Variants in MALRD1 observed in about 807,000 individuals in gnomAD.
MALRD1 encodes the protein MAM and LDL receptor class A domain containing 1.
In MALRD1, 247 loss-of-function variants were observed where a neutral mutation model predicts 242.1. The ratio of observed to expected loss-of-function variants is 1.02; its 90% CI spans 0.92 to 1.13. MALRD1 has a LOEUF of 1.13. Among genes scored for constraint, MALRD1 ranks in the 50% most tolerant of loss-of-function variants. MALRD1 has a pLI of 0.00. For synonymous variants in MALRD1, 995 were observed against 866.6 expected (o/e 1.15, Z -2.60); for missense variants, 2,989 against 2,533.1 (o/e 1.18, Z -3.86).
chr10:19,473,919 A>G (rs1836612232), intron 29 of MALRD1, among the ~76,000 whole-genome samples: 1 of 152,126 alleles, frequency 6.6e-6, no homozygotes, highest in Admixed American at 6.5e-5. Context: ...TAGCAGCTCT[A>G]TCATTTTACA....
At chr10:19,080,462 C>A (rs12220630) in intron 2 of MALRD1, among the ~76,000 whole-genome samples, 33,164 of 151,622 alleles carry the variant, frequency 0.22, 3,620 homozygotes, top group South Asian at 0.29. Context: ...GAATTAAGAC[C>A]CCACATCTAC....
At chr10:19,522,646 C>A (rs1018095611) in intron 31 of MALRD1, among the ~76,000 whole-genome samples, 3 of 152,094 alleles carry the variant, frequency 2.0e-5, no homozygotes, top group Non-Finnish European at 4.4e-5. Context: ...CATTTATGAT[C>A]TACATCAATA....
At chr10:19,138,108 T>C (rs1243554131) in intron 10 of MALRD1, among the ~76,000 whole-genome samples, 2 of 152,076 alleles carry the variant, frequency 1.3e-5, no homozygotes, top group African/African-American at 2.4e-5. Flanking sequence ...GATGAGAAAG[T>C]AAGGCTAAAA....
intron 32 of MALRD1, among the ~76,000 whole-genome samples, chr10:19,566,053 C>T (rs55748518): frequency 1.3e-5 from 2 of 152,032 alleles, no homozygotes; most frequent in Admixed American, 1.3e-4. Flanking sequence ...GCTAGTATTT[C>T]TGCAATGACA....
At chr10:19,390,494 CAT>C (rs1400773935) in intron 28 of MALRD1, among the ~76,000 whole-genome samples, 2 of 152,152 alleles carry the variant, frequency 1.3e-5, no homozygotes, top group African/African-American at 4.8e-5. Flanking sequence ...AACAAAATAA[CAT>C]AGTAAATATT....
At chr10:19,203,029 G>T (rs868248920) in intron 14 of MALRD1, among the ~76,000 whole-genome samples, 1 of 151,938 alleles carries the variant, frequency 6.6e-6, no homozygotes, top group Non-Finnish European at 1.5e-5. Flanking sequence ...TCCACACAGG[G>T]TCTATTACAT....
At chr10:19,411,024 C>A (rs528520009) in intron 28 of MALRD1, among the ~76,000 whole-genome samples, 2 of 152,064 alleles carry the variant, frequency 1.3e-5, no homozygotes, top group Admixed American at 6.5e-5. Context: ...AATATTTTCA[C>A]CAAATGCAGG....
In MALRD1 at chr10:19,669,172, A is replaced by G. The variant is rs188291760; in HGVS notation, c.6138-23110A>G. Among the ~76,000 whole-genome samples the G allele has an allele frequency of 6.8e-4, 104 of 152,352 alleles. 2 individuals carry two copies. In the East Asian group the frequency reaches 0.015, roughly 21 times the overall value. Reference sequence around the variant, plus strand: ...GATAGAGTTATCTAGAAGCTGGAAGATAATGGAGAAGCTCTCTAGAAGCTA... The same window carrying G: ...GATAGAGTTATCTAGAAGCTGGAAGGTAATGGAGAAGCTCTCTAGAAGCTA... On this transcript the variant is annotated intron_variant, in intron 36 of 39. Coordinates refer to ENST00000454679, the MANE Select transcript of MALRD1 (RefSeq NM_001142308.3).
intron 4 of MALRD1, among the ~76,000 whole-genome samples, chr10:19,099,378 C>A (rs534367915): frequency 6.6e-6 from 1 of 152,260 alleles, no homozygotes; most frequent in African/African-American, 2.4e-5. Context: ...CGGTCATCAC[C>A]ATTTCCTCTG....
intron 9 of MALRD1, 93 bp from the exon 10 acceptor site, chr10:19,136,481 C>A: frequency 1.4e-6 from 1 of 714,014 alleles, no homozygotes; most frequent in Non-Finnish European, 1.9e-6. Flanking sequence ...AACACTTTTT[C>A]TCAATAACTA....
At chr10:19,417,726 A>T (rs1209557472) in intron 28 of MALRD1, among the ~76,000 whole-genome samples, 1 of 152,116 alleles carries the variant, frequency 6.6e-6, no homozygotes, top group Non-Finnish European at 1.5e-5. Flanking sequence ...TTAGACTGAG[A>T]TCATTCATTT....
rs891916646 is a variant in MALRD1, at chr10:19,124,674, GA to G, written c.943+13del. On this transcript the variant is annotated splice_donor_5th_base_variant and intron_variant, in intron 7 of 39. Coordinates refer to ENST00000454679, the MANE Select transcript of MALRD1 (RefSeq NM_001142308.3). ...GATCAAGGAGGTGATGATGAAGGTAGAAAAAAAAATAATATCTTTTATGTAT... is the reference window on the plus strand; with the variant it reads ...GATCAAGGAGGTGATGATGAAGGTAGAAAAAAAATAATATCTTTTATGTAT... 125 of 1,224,774 alleles carry G rather than the reference GA, an allele frequency of 1.0e-4. 1 individual carries two copies. In the East Asian group the frequency reaches 1.3e-3, roughly 13 times the overall value. The allele number at this position is 1,224,774 out of a possible 1,614,324, so 75.9% of individuals were successfully genotyped here. A position where few individuals can be genotyped will look rare whatever the true frequency, so the allele number is the denominator to read the frequency against.
Position 19,607,894 on chromosome 10 carries a change from G to C in MALRD1, c.6062G>C (p.Ser2021Thr). Reference sequence around the variant, plus strand: ...ATGGATTTCCAGCTTGATGAGTCCAGCTGCTCCGGTACCCCATTTCCATTC... The same window carrying C: ...ATGGATTTCCAGCTTGATGAGTCCACCTGCTCCGGTACCCCATTTCCATTC... The part of the protein sequence containing the change: ...DCMDFQLDES[S>T]CSECPLNYCR... The change falls in exon 35 of 40, where the codon AGC (serine) becomes ACC (threonine). Residue 2021 changes from serine to threonine, a missense_variant. Physicochemically the swap from Ser to Thr is moderately conservative, Grantham distance 58. Coordinates refer to ENST00000454679, the MANE Select transcript of MALRD1 (RefSeq NM_001142308.3). 1.3e-6 allele frequency: 2 copies of C among 1,549,670 alleles called. No homozygotes were observed. Among genetic ancestry groups the C allele is most frequent in the East Asian group, 2.4e-5 (1 of 40,868 alleles).
chr10:19,262,305 T>C (rs1168194152), intron 19 of MALRD1, among the ~76,000 whole-genome samples: 1 of 151,856 alleles, frequency 6.6e-6, no homozygotes, highest in Non-Finnish European at 1.5e-5. Flanking sequence ...ATCAAACTAT[T>C]AGTAATTGAC....
rs1183185746 is a variant in MALRD1, at chr10:19,615,894, T to A, written c.6108T>A (p.Cys2036Ter). Residue 2036 changes from cysteine (C) to a stop codon, truncating the protein, a stop_gained, in exon 36 of 40, where the codon TGT becomes TGA. Coordinates refer to ENST00000454679, the MANE Select transcript of MALRD1 (RefSeq NM_001142308.3). LOFTEE classifies it high-confidence loss of function. ...ATTACTGCAGAAATGGTGGGACTTG[T>A]GTAGTGGAGAAAAATGGTCCTATGT... ...PLNYCRNGGT[C>*]VVEKNGPMCR... 6.5e-7 allele frequency: 1 copy of A among 1,532,824 alleles called. No homozygotes were observed. The highest frequency in any genetic ancestry group is 8.7e-7 in the Non-Finnish European group (1 of 1,144,906). The allele number at this position is 1,532,824 out of a possible 1,614,324, so 95.0% of individuals were successfully genotyped here.
intron 33 of MALRD1, among the ~76,000 whole-genome samples, chr10:19,575,089 A>G (rs1266876664): frequency 6.6e-6 from 1 of 152,180 alleles, no homozygotes; most frequent in Non-Finnish European, 1.5e-5. Context: ...GCATACTTGA[A>G]AGTTTAAAGT....
chr10:19,488,870 G>C (rs895246752), intron 29 of MALRD1: 14 of 353,914 alleles, frequency 4.0e-5, no homozygotes, highest in South Asian at 2.7e-4. Flanking sequence ...TGCAGAGTTA[G>C]GATTTTTGTT....
chr10:19,537,541 G>A (rs1834746515), intron 32 of MALRD1, among the ~76,000 whole-genome samples: 1 of 151,988 alleles, frequency 6.6e-6, no homozygotes, highest in Non-Finnish European at 1.5e-5. Flanking sequence ...TATTCACAAG[G>A]CTGGCTTCTT....
intron 32 of MALRD1, among the ~76,000 whole-genome samples, chr10:19,538,880 G>A (rs1026090107): frequency 6.6e-6 from 1 of 151,982 alleles, no homozygotes; most frequent in African/African-American, 2.4e-5. Context: ...TCGTATTTCA[G>A]AACAAGTAGC....
Sources: gnomAD v4.1 joint callset for allele counts (sites outside exome capture counted in the v4.1 genomes callset) on GRCh38, gnomAD v4.1.1 for gene constraint, MANE v1.5 for transcripts, NCBI Gene and HGNC (gene_info 2026-07-23, HGNC 2026-07-21) for gene names.